DNAH17: variants seen among roughly 807,000 people sequenced by gnomAD.
DNAH17 encodes axonemal beta dynein heavy chain 17.
In DNAH17, 376 loss-of-function variants were observed where a neutral mutation model predicts 485.6. The observed-to-expected ratio is 0.77, with a 90% CI of 0.71 to 0.84. The LOEUF (loss-of-function observed/expected upper bound fraction) is 0.84, where lower values mean the gene tolerates loss of function less well. Among genes scored for constraint, DNAH17 ranks in the 40% least tolerant of loss-of-function variants. The pLI is 0.00. For synonymous variants in DNAH17, 3,031 were observed against 2,405.9 expected, an observed-to-expected ratio of 1.26 and a Z score of -7.60; for missense variants, 6,370 against 5,839.3, an observed-to-expected ratio of 1.09 and a Z score of -2.96.
At chr17:78,480,013 C>CTTTTTTTTTTTTT (rs370344478) in intron 49 of DNAH17, among the ~76,000 whole-genome samples, 3 of 70,518 alleles carry the variant, frequency 4.3e-5, no homozygotes, top group African/African-American at 8.5e-5. Flanking sequence ...ACAACAAGTA[C>CTTTTTTTTTTTTT]TTTTTTTTTT....
Position 78,461,661 on chromosome 17 carries a change from C to G in DNAH17, c.9222G>C (p.Lys3074Asn). Residue 3074 changes from lysine (K) to asparagine (N), a missense_variant, in exon 58 of 81, where the codon AAG (lysine) becomes AAC (asparagine). Transcript: ENST00000389840. The part of the protein sequence containing the change: ...AKLAIQEAEL[K>N]QKNESADQLI... ...GTTGGTCTGCGCTCTCATTCTTCTG[C>G]TTGAGCTCAGCCTCCTGAATCGCCA... The G allele has an allele frequency of 6.2e-7, 1 of 1,612,196 alleles. No individual in the cohort carries two copies. Among genetic ancestry groups the G allele is most frequent in the Non-Finnish European group, 8.5e-7 (1 of 1,179,370 alleles).
intron 37 of DNAH17, among the ~76,000 whole-genome samples, chr17:78,497,652 C>G (rs760773775): frequency 6.6e-6 from 1 of 152,238 alleles, no homozygotes; most frequent in Non-Finnish European, 1.5e-5. Flanking sequence ...TTCTCTTGGT[C>G]ATGGGGCCTC....
intron 54 of DNAH17, among the ~76,000 whole-genome samples, chr17:78,470,550 G>A (rs1251664956): frequency 3.3e-5 from 5 of 151,972 alleles, no homozygotes; most frequent in East Asian, 2.0e-4. Flanking sequence ...TTAGCCAGGC[G>A]TGGTGGCACG....
At chr17:78,510,363 A>G (rs1186626786) in intron 27 of DNAH17, 21 bp downstream of exon 27, 1 of 1,610,664 alleles carries the variant, frequency 6.2e-7, no homozygotes, top group Non-Finnish European at 8.5e-7. Flanking sequence ...TTGCACAGAC[A>G]GCACCGCCAG....
chr17:78,533,212 G>A lies in DNAH17; in HGVS notation c.2860-476C>T, dbSNP rs74646991. On this transcript the variant is annotated intron_variant, in intron 19 of 80. Transcript: ENST00000389840. ...TCGCTCTCACTGCGTACCACATGCTGGGATAGATACTGGGGCACAGGCAGG... is the reference window on the plus strand; with the variant it reads ...TCGCTCTCACTGCGTACCACATGCTAGGATAGATACTGGGGCACAGGCAGG... 1.8e-3 allele frequency among the ~76,000 whole-genome samples: 271 copies of A among 152,336 alleles called. 1 individual carries two copies. Among genetic ancestry groups the A allele is most frequent in the African/African-American group, 5.8e-3 (242 of 41,566 alleles).
chr17:78,544,416 T>C (rs1429717830), intron 16 of DNAH17, among the ~76,000 whole-genome samples: 1 of 152,054 alleles, frequency 6.6e-6, no homozygotes, highest in Non-Finnish European at 1.5e-5. Flanking sequence ...GTCCCTTTTG[T>C]GGGGGCCACT....
rs368466796 is a variant in DNAH17, at chr17:78,444,666, C to G, written c.11466G>C (p.Thr3822=). 9.3e-6 allele frequency: 15 copies of G among 1,609,426 alleles called. 1 individual carries two copies. Among genetic ancestry groups the G allele is most frequent in the African/African-American group, 2.7e-5 (2 of 74,846 alleles). ...EIFPKEWKNK[T]ALQKLCMVRC... Reference sequence around the variant, plus strand: ...GCACCATGCACAGCTTCTGCAGGGCCGTCTTGTTCTTCCACTCCTTGGGGA... The same window carrying G: ...GCACCATGCACAGCTTCTGCAGGGCGGTCTTGTTCTTCCACTCCTTGGGGA... Residue 3822 remains threonine (T), a synonymous_variant, in exon 71 of 81, where the codon ACG becomes ACC. Coordinates refer to ENST00000389840, the MANE Select transcript of DNAH17 (RefSeq NM_173628.4).
chr17:78,450,266 C>T lies in DNAH17; in HGVS notation c.11028G>A (p.Gln3676=). ...NDLNKINPVY[Q]FSLKAFNVVF... ...CTGCAGGGCGCACCTTGAGGGAGAA[C>T]TGGTAGACGGGGTTGATTTTGTTGA... is the stretch of plus-strand genomic sequence containing the variant. Residue 3676 remains glutamine (Q), a synonymous_variant, in exon 68 of 81, where the codon CAG becomes CAA. Transcript: ENST00000389840. 3.7e-6 allele frequency: 6 copies of T among 1,613,916 alleles called. No individual in the cohort carries two copies. The highest frequency in any genetic ancestry group is 5.1e-6 in the Non-Finnish European group (6 of 1,179,882).
At chr17:78,432,388 GGCAGACA>G (rs1283920144) in intron 75 of DNAH17, among the ~76,000 whole-genome samples, 2 of 4,064 alleles carry the variant, frequency 4.9e-4, no homozygotes, top group Non-Finnish European at 0.031. Context: ...CCCATCGACC[GGCAGACA>G]GCAGAGGCTG....
At chr17:78,454,876 C>G (rs1023663605) in intron 63 of DNAH17, among the ~76,000 whole-genome samples, 171 bp from the exon 64 acceptor site, 4 of 151,994 alleles carry the variant, frequency 2.6e-5, no homozygotes, top group African/African-American at 9.7e-5. Flanking sequence ...CTTTGTAACT[C>G]GGCCAGAAAC....
intron 14 of DNAH17, among the ~76,000 whole-genome samples, chr17:78,554,318 T>C (rs2091971466): frequency 6.6e-6 from 1 of 151,644 alleles, no homozygotes; most frequent in Non-Finnish European, 1.5e-5. Context: ...TGTGCACCTG[T>C]AATCCCTACT....
At chr17:78,465,745 T>G (rs1342268618) in intron 56 of DNAH17, among the ~76,000 whole-genome samples, 2 of 148,742 alleles carry the variant, frequency 1.3e-5, no homozygotes, top group East Asian at 2.0e-4. Context: ...AGCCACCCCG[T>G]CCGGGAGGGA....
At chr17:78,428,766 C>G in intron 76 of DNAH17, 59 bp from the exon 77 acceptor site, 1 of 1,590,148 alleles carries the variant, frequency 6.3e-7, no homozygotes, top group Non-Finnish European at 8.6e-7. Flanking sequence ...AACCCATGTC[C>G]TGTTGGTTAA....
chr17:78,544,015 G>A lies in DNAH17; in HGVS notation c.2392-18C>T, dbSNP rs2091680587. 6.2e-7 allele frequency: 1 copy of A among 1,613,842 alleles called. No individual in the cohort carries two copies. Among genetic ancestry groups the A allele is most frequent in the Non-Finnish European group, 8.5e-7 (1 of 1,179,808 alleles). ...GACCAGTCCTGGAAGGAAAGCACAG[G>A]AGTGAGAAAAGGTGTTCTGGAGAAA... is the stretch of plus-strand genomic sequence containing the variant. On this transcript the variant is annotated intron_variant, in intron 16 of 80. Coordinates refer to ENST00000389840, the MANE Select transcript of DNAH17 (RefSeq NM_173628.4).
chr17:78,429,725 A>G (rs1252999974), intron 75 of DNAH17, among the ~76,000 whole-genome samples: 1 of 152,102 alleles, frequency 6.6e-6, no homozygotes, highest in Admixed American at 6.5e-5. Context: ...TCACGGTCCA[A>G]TTTCAACACA....
In DNAH17 at chr17:78,475,709, A is replaced by G; in HGVS notation, c.8279T>C (p.Val2760Ala). ...MAPLNKLLVD[V>A]LDSYNEVNAV... ...ATTAACTTCATTGTAGCTGTCCAGG[A>G]CGTCCACGAGGAGCTTGTTCAGAGG... The change falls in exon 53 of 81, where the codon GTC (valine) becomes GCC (alanine). Residue 2760 changes from valine (V) to alanine (A), a missense_variant. Transcript: ENST00000389840. 1 of 1,613,896 alleles carries G rather than the reference A, an allele frequency of 6.2e-7. No individual in the cohort carries two copies.
intron 41 of DNAH17, 44 bp downstream of exon 41, chr17:78,493,992 C>T (rs752859738): frequency 6.9e-6 from 11 of 1,585,488 alleles, no homozygotes; most frequent in Non-Finnish European, 9.4e-6. Context: ...AGCCCTCCCC[C>T]ACCATGCCGG....
chr17:78,473,721 T>C (rs2088880406), intron 54 of DNAH17, among the ~76,000 whole-genome samples: 1 of 151,898 alleles, frequency 6.6e-6, no homozygotes, highest in African/African-American at 2.4e-5. Context: ...ACAGGAAGGA[T>C]CAGGGAGAAA....
chr17:78,537,899 G>T (rs892477470), intron 18 of DNAH17, among the ~76,000 whole-genome samples: 55 of 152,324 alleles, frequency 3.6e-4, no homozygotes, highest in Non-Finnish European at 6.0e-4. Context: ...AGCACTTTGG[G>T]AGGCCAAGGC....
Sources: gnomAD v4.1 joint callset for allele counts (sites outside exome capture counted in the v4.1 genomes callset) on GRCh38, gnomAD v4.1.1 for gene constraint, MANE v1.5 for transcripts, NCBI Gene and HGNC (gene_info 2026-07-23, HGNC 2026-07-21) for gene names.